Variants in CACNA1E observed in about 807,000 individuals in gnomAD.
CACNA1E encodes the protein voltage-dependent R-type calcium channel subunit alpha-1E.
Under a neutral mutation model 259.2 loss-of-function variants are expected in CACNA1E, and 40 were observed. The ratio of observed to expected loss-of-function variants is 0.15; its 90% CI spans 0.12 to 0.20. The LOEUF (loss-of-function observed/expected upper bound fraction) is 0.20. Among genes scored for constraint, CACNA1E ranks in the 10% least tolerant of loss-of-function variants. The pLI, the probability that CACNA1E is intolerant of heterozygous loss-of-function variation, is 1.00. For synonymous variants in CACNA1E, 1,104 were observed against 1,138.5 expected (o/e 0.97, Z 0.61); for missense variants, 1,874 against 3,040.1 (o/e 0.62, Z 9.02).
Position 181,405,033 on chromosome 1 carries a change from G to A in CACNA1E, c.-14-8100G>A, listed in dbSNP as rs79273675. Among the ~76,000 whole-genome samples, 227 of 152,358 alleles carry A rather than the reference G, an allele frequency of 1.5e-3. 2 individuals are homozygous for A. The highest frequency in any genetic ancestry group is 4.9e-3 in the African/African-American group (205 of 41,588). ...CCTACTTAGAGCTGCAGCATGAGGG[G>A]TTGCCCCTGGGCTAGTACCTTTGAA... On this transcript the variant is annotated intron_variant, in intron 1 of 11. Coordinates refer to the CACNA1E transcript ENST00000524607.
At chr1:181,741,788 G>A (rs1472782542) in intron 25 of CACNA1E, among the ~76,000 whole-genome samples, 1 of 152,192 alleles carries the variant, frequency 6.6e-6, no homozygotes, top group Non-Finnish European at 1.5e-5. Context: ...CTGGTGGCAG[G>A]GGAAGCCTTA....
chr1:181,720,005 C>T, intron 13 of CACNA1E, 142 bp downstream of exon 13: 1 of 773,442 alleles, frequency 1.3e-6, no homozygotes, highest in Non-Finnish European at 2.0e-6. Context: ...TTCTTTAGCT[C>T]TTCCTTTTTC....
At chr1:181,730,667 A>T (rs147986690) in intron 18 of CACNA1E, among the ~76,000 whole-genome samples, 41 of 152,340 alleles carry the variant, frequency 2.7e-4, no homozygotes, top group Non-Finnish European at 4.3e-4. Flanking sequence ...TAGCCTTGAC[A>T]TCGTGCATGG....
intron 25 of CACNA1E, among the ~76,000 whole-genome samples, chr1:181,739,935 T>C (rs1323066749): frequency 6.6e-6 from 1 of 152,176 alleles, no homozygotes; most frequent in Non-Finnish European, 1.5e-5. Flanking sequence ...TTCAATCACA[T>C]TCTGACATTT....
Position 181,796,769 on chromosome 1 carries a change from G to A in CACNA1E, c.6310G>A (p.Glu2104Lys), listed in dbSNP as rs1553361137. The change falls in exon 47 of 48, where the codon GAG becomes AAG. Residue 2104 changes from glutamate to lysine, a missense_variant. This residue lies in a region of CACNA1E where 542 missense variants were observed against 587.2 expected (regional missense o/e 0.92). Coordinates refer to ENST00000367573, the MANE Select transcript of CACNA1E (RefSeq NM_001205293.3). ...TGATGTCTCCCGCTGCAATTCAGAA[G>A]AGCGAGGGACCCAGGCTGACTGGGA... ...SPDVSRCNSE[E>K]RGTQADWESP... The A allele has an allele frequency of 6.2e-7, 1 of 1,613,124 alleles. No homozygotes were observed.
At chr1:181,411,814 C>T (rs112871648) in intron 1 of CACNA1E, among the ~76,000 whole-genome samples, 19,732 of 152,244 alleles carry the variant, frequency 0.13, 1,379 homozygotes, top group South Asian at 0.2. Context: ...TTCACCATGT[C>T]GGCCAGGCTG....
At chr1:181,573,427 G>A (rs1020974712) in intron 3 of CACNA1E, among the ~76,000 whole-genome samples, 1 of 152,124 alleles carries the variant, frequency 6.6e-6, no homozygotes, top group Non-Finnish European at 1.5e-5. Flanking sequence ...TAGTTTTGCT[G>A]AGCTGTGTGT....
chr1:181,573,857 C>T (rs116231519), intron 3 of CACNA1E, among the ~76,000 whole-genome samples: 3,326 of 152,248 alleles, frequency 0.022, 69 homozygotes, highest in Non-Finnish European at 0.03. Context: ...TTTGCAAAAG[C>T]AAAGATGTGG....
At chr1:181,572,955 A>G (rs2102945384) in intron 3 of CACNA1E, among the ~76,000 whole-genome samples, 2 of 152,258 alleles carry the variant, frequency 1.3e-5, no homozygotes, top group Middle Eastern at 6.8e-3. Context: ...AAAAATCTTG[A>G]TATTTTTTAG....
At chr1:181,424,059 T>G (rs1417927247) in intron 2 of CACNA1E, among the ~76,000 whole-genome samples, 1 of 152,088 alleles carries the variant, frequency 6.6e-6, no homozygotes, top group East Asian at 1.9e-4. Context: ...CATTTCAGGA[T>G]CCTAGGGCTG....
chr1:181,676,540 A>T (rs770386120), intron 7 of CACNA1E, among the ~76,000 whole-genome samples: 3 of 152,070 alleles, frequency 2.0e-5, no homozygotes, highest in Non-Finnish European at 2.9e-5. Context: ...TGTCTCTACC[A>T]CCAAGCTCTG....
intron 7 of CACNA1E, among the ~76,000 whole-genome samples, chr1:181,674,394 CAAAAAAAAAAAAAA>C (rs10711497): frequency 2.1e-4 from 9 of 43,566 alleles, no homozygotes; most frequent in Admixed American, 7.0e-4. Flanking sequence ...GACTCCATCT[CAAAAAAAAAAAAAA>C]AAAAAAAAAA....
intron 7 of CACNA1E, among the ~76,000 whole-genome samples, chr1:181,693,830 A>C (rs891248996): frequency 6.6e-6 from 1 of 152,214 alleles, no homozygotes; most frequent in African/African-American, 2.4e-5. Flanking sequence ...CTAAGAGAAG[A>C]AATTTAAAAT....
chr1:181,387,637 A>G (rs1289898027), intron 1 of CACNA1E, among the ~76,000 whole-genome samples: 1 of 152,202 alleles, frequency 6.6e-6, no homozygotes, highest in East Asian at 1.9e-4. Flanking sequence ...GGAAGTGCAG[A>G]TGGTGTTGCC....
intron 1 of CACNA1E, among the ~76,000 whole-genome samples, chr1:181,402,427 T>G (rs1353873640): frequency 6.6e-6 from 1 of 152,142 alleles, no homozygotes; most frequent in Non-Finnish European, 1.5e-5. Flanking sequence ...AGCAGAGCCA[T>G]CACTTCATTC....
At chr1:181,639,067 GT>G (rs1303448596) in intron 6 of CACNA1E, among the ~76,000 whole-genome samples, 6 of 151,976 alleles carry the variant, frequency 3.9e-5, no homozygotes, top group Non-Finnish European at 7.4e-5. Flanking sequence ...CTGGTCCAAT[GT>G]CCAGCTTAGA....
At chr1:181,610,060 G>A (rs114901760) in intron 6 of CACNA1E, among the ~76,000 whole-genome samples, 4,141 of 152,218 alleles carry the variant, frequency 0.027, 204 homozygotes, top group African/African-American at 0.094. Flanking sequence ...GGTGAAGAAC[G>A]GTGGGAAAAG....
chr1:181,683,041 T>C (rs911215503), intron 7 of CACNA1E, among the ~76,000 whole-genome samples: 2 of 152,208 alleles, frequency 1.3e-5, no homozygotes, highest in African/African-American at 2.4e-5. Context: ...GTTCCTTCCA[T>C]AGAATTGGAG....
chr1:181,452,072 A>G (rs1187568520), intron 2 of CACNA1E, among the ~76,000 whole-genome samples: 3 of 152,252 alleles, frequency 2.0e-5, no homozygotes, highest in African/African-American at 4.8e-5. Flanking sequence ...GTTTCCCACA[A>G]AGTAACTTGG....
Sources: allele counts gnomAD v4.1 joint callset (sites outside exome capture counted in the v4.1 genomes callset), GRCh38; gene constraint gnomAD v4.1.1; regional missense constraint gnomAD v4.1.1; transcripts MANE v1.5; gene names NCBI Gene and HGNC (gene_info 2026-07-23, HGNC 2026-07-21).